RTL4: variants seen among roughly 807,000 people sequenced by gnomAD.
RTL4 encodes the protein retrotransposon Gag-like protein 4.
Under a neutral mutation model 5.3 loss-of-function variants are expected in RTL4, and 4 were observed. That is an observed-to-expected ratio of 0.75 (90% CI 0.37 to 1.72). The LOEUF (loss-of-function observed/expected upper bound fraction) is 1.72. Among genes scored for constraint, RTL4 ranks in the 40% most tolerant of loss-of-function variants. The probability of loss-of-function intolerance (pLI) is 0.04; values close to 1 mark genes in which losing one functional copy is unlikely to be tolerated. For synonymous variants in RTL4, 98 were observed against 87.3 expected, an observed-to-expected ratio of 1.12 and a Z score of -0.68; for missense variants, 260 against 227.1, an observed-to-expected ratio of 1.14 and a Z score of -0.93.
At chrX:112,304,827 T>A in the RTL4 span, among the ~76,000 whole-genome samples, 1 of 109,068 alleles carries the variant, frequency 9.2e-6, no homozygotes. Context: ...CCCCCTTTCC[T>A]CATGCTTCTT....
At chrX:112,201,751 A>C in the RTL4 span, among the ~76,000 whole-genome samples, 1 of 111,475 alleles carries the variant, frequency 9.0e-6, no homozygotes, top group Admixed American at 9.5e-5. Context: ...TTACTTTTTA[A>C]ATATGCATTG....
chrX:112,161,952 C>G, the RTL4 span, among the ~76,000 whole-genome samples: 1 of 107,406 alleles, frequency 9.3e-6, no homozygotes, highest in African/African-American at 3.4e-5. Flanking sequence ...AGATCAATAT[C>G]TTCTTCCACA....
At chrX:112,331,572 A>C in the RTL4 span, among the ~76,000 whole-genome samples, 1 of 105,792 alleles carries the variant, frequency 9.5e-6, no homozygotes. Context: ...ACTGTAAACT[A>C]GTTCAACCAT....
chrX:112,310,280 C>T, the RTL4 span, among the ~76,000 whole-genome samples: 1 of 87,348 alleles, frequency 1.1e-5, no homozygotes, highest in African/African-American at 4.3e-5. Flanking sequence ...ACTTGTCTAT[C>T]TCTGCCACTT....
chrX:112,453,559 G>T (rs973959717), upstream of RTL4, among the ~76,000 whole-genome samples: 4 of 111,408 alleles, frequency 3.6e-5, no homozygotes, highest in African/African-American at 1.3e-4. Context: ...CCTCAGACAG[G>T]GACTAGAAAG....
chrX:112,169,344 C>T, the RTL4 span, among the ~76,000 whole-genome samples: 2,961 of 109,651 alleles, frequency 0.027, 90 homozygotes, highest in African/African-American at 0.094. Context: ...GAACTCCTGA[C>T]CTCAGGTGAT....
chrX:112,189,577 A>G, the RTL4 span, among the ~76,000 whole-genome samples: 2 of 110,764 alleles, frequency 1.8e-5, no homozygotes, highest in East Asian at 2.8e-4. Flanking sequence ...AGCCTGCCTA[A>G]CATGGTGAAA....
At chrX:112,211,702 C>G in the RTL4 span, among the ~76,000 whole-genome samples, 3 of 111,608 alleles carry the variant, frequency 2.7e-5, no homozygotes, top group African/African-American at 9.8e-5. Context: ...TTAGATCTTA[C>G]CTAGATGTTA....
chrX:112,450,762 A>G (rs1569328920), upstream of RTL4, among the ~76,000 whole-genome samples: 1 of 112,229 alleles, frequency 8.9e-6, no homozygotes, highest in African/African-American at 3.2e-5. Flanking sequence ...AGATTCTGGA[A>G]CTTCTGAGAG....
chrX:112,134,766 G>A, the RTL4 span, among the ~76,000 whole-genome samples: 1 of 111,785 alleles, frequency 8.9e-6, no homozygotes, highest in Non-Finnish European at 1.9e-5. Flanking sequence ...TTATAAACTA[G>A]TTTATATTTC....
the RTL4 span, among the ~76,000 whole-genome samples, chrX:112,109,048 G>T: frequency 9.0e-6 from 1 of 111,376 alleles, no homozygotes. Flanking sequence ...TGAGGGAGGG[G>T]TGATGTAGGA....
the RTL4 span, among the ~76,000 whole-genome samples, chrX:112,133,062 C>A: frequency 9.0e-6 from 1 of 111,584 alleles, no homozygotes; most frequent in African/African-American, 3.3e-5. Context: ...TTTGATGAGG[C>A]CTTGTTGGGG....
the RTL4 span, among the ~76,000 whole-genome samples, chrX:112,179,187 A>G: frequency 9.0e-6 from 1 of 111,261 alleles, no homozygotes; most frequent in African/African-American, 3.3e-5. Context: ...GGCCTAGGGA[A>G]TATTAAAATG....
At chrX:112,452,947 G>A (rs1232088563), upstream of RTL4, among the ~76,000 whole-genome samples, 1 of 109,594 alleles carries the variant, frequency 9.1e-6, no homozygotes, top group South Asian at 4.0e-4. Context: ...CAGGAGAATC[G>A]CTTGAACCCG....
At chrX:112,107,278 A>G in the RTL4 span, among the ~76,000 whole-genome samples, 6 of 111,955 alleles carry the variant, frequency 5.4e-5, no homozygotes, top group African/African-American at 1.9e-4. Flanking sequence ...ATATTTTAAC[A>G]AATTTTTGTA....
At chrX:112,430,583 T>C in the RTL4 span, among the ~76,000 whole-genome samples, 2 of 111,426 alleles carry the variant, frequency 1.8e-5, no homozygotes, top group Non-Finnish European at 3.8e-5. Context: ...TCACGATGTG[T>C]TATTTTTTTA....
chrX:112,199,430 G>A, the RTL4 span, among the ~76,000 whole-genome samples: 1 of 111,246 alleles, frequency 9.0e-6, no homozygotes, highest in Admixed American at 9.5e-5. Flanking sequence ...GCACCAGTAA[G>A]GCCTTGAAAG....
the RTL4 span, among the ~76,000 whole-genome samples, chrX:112,112,271 G>A: frequency 8.9e-6 from 1 of 112,043 alleles, no homozygotes; most frequent in African/African-American, 3.2e-5. Context: ...GAAGGCTTAA[G>A]GCTGGAGCTT....
chrX:112,436,431 C>T, the RTL4 span, among the ~76,000 whole-genome samples: 2 of 111,246 alleles, frequency 1.8e-5, no homozygotes, highest in Admixed American at 9.6e-5. Context: ...TCCAGCGCCT[C>T]GCCTTCTGAG....
Sources: gnomAD v4.1 joint callset for allele counts (sites outside exome capture counted in the v4.1 genomes callset) on GRCh38, gnomAD v4.1.1 for gene constraint, MANE v1.5 for transcripts, NCBI Gene and HGNC (gene_info 2026-07-23, HGNC 2026-07-21) for gene names.